Variants in CDH13 observed in about 807,000 individuals in gnomAD.
The protein encoded by CDH13 is cadherin-13.
In CDH13, 24 loss-of-function variants were observed where a neutral mutation model predicts 63.8. The ratio of observed to expected loss-of-function variants is 0.38; its 90% CI spans 0.27 to 0.53. The LOEUF is 0.53. Among genes scored for constraint, CDH13 ranks in the 20% least tolerant of loss-of-function variants. CDH13 has a pLI of 0.85. For synonymous variants in CDH13, 503 were observed against 355.3 expected, an observed-to-expected ratio of 1.42 and a Z score of -4.67; for missense variants, 1,049 against 903.1, an observed-to-expected ratio of 1.16 and a Z score of -2.07.
chr16:83,315,194 A>C (rs372661898), intron 5 of CDH13, among the ~76,000 whole-genome samples: 1 of 152,238 alleles, frequency 6.6e-6, no homozygotes, highest in Non-Finnish European at 1.5e-5. Flanking sequence ...GTGGAAGCCC[A>C]CATAAGTATG....
chr16:83,166,431 C>T (rs2037673930), intron 4 of CDH13, among the ~76,000 whole-genome samples: 1 of 152,108 alleles, frequency 6.6e-6, no homozygotes, highest in Admixed American at 6.6e-5. Flanking sequence ...TCTCCAAAGC[C>T]ATCCAAGGTT....
chr16:83,515,773 C>T (rs115362966), intron 7 of CDH13, among the ~76,000 whole-genome samples: 259 of 152,234 alleles, frequency 1.7e-3, no homozygotes, highest in African/African-American at 6.2e-3. Context: ...TTAAAACACA[C>T]CAAGCAAAGC....
intron 1 of CDH13, among the ~76,000 whole-genome samples, chr16:82,641,380 A>G (rs753584186): frequency 1.3e-5 from 2 of 152,168 alleles, no homozygotes; most frequent in Non-Finnish European, 2.9e-5. Context: ...AATATATGTG[A>G]TTTCTCTTGC....
chr16:82,868,403 A>T (rs1379426588), intron 2 of CDH13, among the ~76,000 whole-genome samples: 2 of 152,222 alleles, frequency 1.3e-5, no homozygotes, highest in African/African-American at 2.4e-5. Context: ...TCATAAATGC[A>T]TTATCCTACC....
At chr16:82,960,758 C>T (rs147621121) in intron 2 of CDH13, among the ~76,000 whole-genome samples, 76 of 151,960 alleles carry the variant, frequency 5.0e-4, no homozygotes, top group Non-Finnish European at 7.5e-4. Context: ...TGTATAAGGA[C>T]GTCATAGAGA....
chr16:83,279,655 A>G (rs1286550720), intron 5 of CDH13, among the ~76,000 whole-genome samples: 1 of 152,170 alleles, frequency 6.6e-6, no homozygotes, highest in Non-Finnish European at 1.5e-5. Flanking sequence ...TACATCTGGG[A>G]AAAACATCAT....
chr16:83,342,843 GTTTTTT>G (rs778316746), intron 5 of CDH13, among the ~76,000 whole-genome samples: 7 of 65,316 alleles, frequency 1.1e-4, no homozygotes, highest in Non-Finnish European at 1.6e-4. Context: ...TTTTGTTTCT[GTTTTTT>G]TTTTTTTTTT....
chr16:82,803,817 A>G (rs1165924109), intron 1 of CDH13, among the ~76,000 whole-genome samples: 1 of 152,192 alleles, frequency 6.6e-6, no homozygotes, highest in African/African-American at 2.4e-5. Flanking sequence ...GGGGGAGCAG[A>G]AAGGGGAAAT....
chr16:83,352,250 C>T (rs1286333283), intron 6 of CDH13, among the ~76,000 whole-genome samples: 1 of 151,760 alleles, frequency 6.6e-6, no homozygotes, highest in Non-Finnish European at 1.5e-5. Flanking sequence ...AATCAGAGAC[C>T]ATTTCCCAAA....
intron 2 of CDH13, among the ~76,000 whole-genome samples, chr16:82,926,715 T>C (rs1250074773): frequency 6.6e-6 from 1 of 152,186 alleles, no homozygotes; most frequent in Non-Finnish European, 1.5e-5. Flanking sequence ...TAACCATAGT[T>C]ATTCACCCAA....
chr16:82,641,801 C>T (rs886392794), intron 1 of CDH13, among the ~76,000 whole-genome samples: 1 of 152,104 alleles, frequency 6.6e-6, no homozygotes, highest in East Asian at 1.9e-4. Flanking sequence ...GTAAGACAGG[C>T]CAAGTCCCTG....
intron 3 of CDH13, among the ~76,000 whole-genome samples, chr16:83,055,111 G>C (rs2030782240): frequency 6.6e-6 from 1 of 151,918 alleles, no homozygotes; most frequent in African/African-American, 2.4e-5. Context: ...AGAAATAATA[G>C]TAAGAAGTAG....
intron 6 of CDH13, among the ~76,000 whole-genome samples, chr16:83,406,219 C>G (rs537752567): frequency 6.6e-6 from 1 of 152,160 alleles, no homozygotes; most frequent in Admixed American, 6.5e-5. Context: ...GACTGAGCTG[C>G]GGTAGCGCCC....
At chr16:82,656,518 A>G (rs1308440340) in intron 1 of CDH13, among the ~76,000 whole-genome samples, 5 of 152,190 alleles carry the variant, frequency 3.3e-5, no homozygotes, top group East Asian at 1.9e-4. Flanking sequence ...TTGTCCCACT[A>G]TCAACATCCC....
intron 5 of CDH13, among the ~76,000 whole-genome samples, chr16:83,248,148 T>C (rs1159849535): frequency 6.6e-6 from 1 of 152,072 alleles, no homozygotes; most frequent in Non-Finnish European, 1.5e-5. Context: ...GCTGGCTTTC[T>C]TCCACTCACA....
At chr16:82,720,043 A>G (rs2032664283) in intron 1 of CDH13, among the ~76,000 whole-genome samples, 1 of 152,162 alleles carries the variant, frequency 6.6e-6, no homozygotes, top group Non-Finnish European at 1.5e-5. Flanking sequence ...ACTTCTTAAT[A>G]AAGACCCAAA....
At chr16:83,408,105 T>G (rs1177757431) in intron 6 of CDH13, among the ~76,000 whole-genome samples, 1 of 152,218 alleles carries the variant, frequency 6.6e-6, no homozygotes, top group Non-Finnish European at 1.5e-5. Flanking sequence ...AATCCTCATT[T>G]GCTGCTAAAG....
chr16:83,120,794 C>T (rs536649988), intron 3 of CDH13, among the ~76,000 whole-genome samples: 36 of 100,490 alleles, frequency 3.6e-4, no homozygotes, highest in African/African-American at 2.3e-3. Flanking sequence ...GATGGAGTCT[C>T]ACCGTGTCAC....
At chr16:82,875,148 G>A (rs530747901) in intron 2 of CDH13, among the ~76,000 whole-genome samples, 2 of 152,334 alleles carry the variant, frequency 1.3e-5, no homozygotes, top group South Asian at 4.1e-4. Flanking sequence ...AAAGCTGAAA[G>A]TGTCACAAAG....
Sources: gnomAD v4.1 joint callset for allele counts (sites outside exome capture counted in the v4.1 genomes callset) on GRCh38, gnomAD v4.1.1 for gene constraint, MANE v1.5 for transcripts, NCBI Gene and HGNC (gene_info 2026-07-23, HGNC 2026-07-21) for gene names.